The following LRRC20 variants were observed in gnomAD, a reference collection of about 807,000 sequenced individuals.
The protein encoded by LRRC20 is leucine-rich repeat-containing protein 20.
Under a neutral mutation model 14.4 loss-of-function variants are expected in LRRC20, and 11 were observed. The observed-to-expected ratio is 0.77, with a 90% confidence interval of 0.48 to 1.27. The LOEUF (loss-of-function observed/expected upper bound fraction) is 1.27, where lower values mean the gene tolerates loss of function less well. LRRC20 is among the 50% of genes most tolerant of loss of function. LRRC20 has a pLI of 0.00. For synonymous variants in LRRC20, 121 were observed against 107.3 expected, an observed-to-expected ratio of 1.13 and a Z score of -0.79; for missense variants, 219 against 251.2, an observed-to-expected ratio of 0.87 and a Z score of 0.87.
chr10:70,315,106 T>C (rs950504823), intron 4 of LRRC20, among the ~76,000 whole-genome samples: 6 of 152,106 alleles, frequency 3.9e-5, no homozygotes, highest in Non-Finnish European at 8.8e-5. Flanking sequence ...CCTCATAAGG[T>C]TGTCATGAGG....
intron 3 of LRRC20, among the ~76,000 whole-genome samples, chr10:70,330,295 G>T (rs1320227284): frequency 6.6e-6 from 1 of 151,882 alleles, no homozygotes; most frequent in East Asian, 1.9e-4. Flanking sequence ...ATAGTCATAG[G>T]TCTCTTCAGG....
chr10:70,357,832 T>C (rs4747012), intron 2 of LRRC20, among the ~76,000 whole-genome samples: 32,561 of 152,172 alleles, frequency 0.21, 3,797 homozygotes, highest in East Asian at 0.34. Context: ...CAAAAGGGAA[T>C]AGAAACAGCA....
intron 3 of LRRC20, among the ~76,000 whole-genome samples, chr10:70,332,713 T>C (rs1179828362): frequency 6.6e-6 from 1 of 152,236 alleles, no homozygotes; most frequent in African/African-American, 2.4e-5. Context: ...TACTTTATGC[T>C]CTGTTTGCTT....
chr10:70,343,897 C>A (rs1254061357), intron 2 of LRRC20, among the ~76,000 whole-genome samples: 1 of 152,136 alleles, frequency 6.6e-6, no homozygotes, highest in African/African-American at 2.4e-5. Flanking sequence ...CCCTAAATAG[C>A]ATCATGAAAG....
intron 1 of LRRC20, 145 bp downstream of exon 1, chr10:70,382,404 G>T (rs1047182956): frequency 6.6e-6 from 1 of 152,410 alleles, no homozygotes; most frequent in Non-Finnish European, 1.5e-5. Context: ...CGGGTGACCT[G>T]GGGGAGGGGA....
intron 2 of LRRC20, among the ~76,000 whole-genome samples, chr10:70,342,658 G>A (rs578161192): frequency 5.2e-4 from 79 of 152,210 alleles, no homozygotes; most frequent in Non-Finnish European, 9.6e-4. Flanking sequence ...CTAACAAAGC[G>A]CCTAGAAGAT....
chr10:70,350,757 A>C (rs1172464841), intron 2 of LRRC20, among the ~76,000 whole-genome samples: 1 of 152,132 alleles, frequency 6.6e-6, no homozygotes, highest in Non-Finnish European at 1.5e-5. Flanking sequence ...CCTAGCCAAG[A>C]AGTAAGGCTC....
Position 70,360,160 on chromosome 10 carries a change from C to T in LRRC20, c.82+16292G>A, listed in dbSNP as rs931265241. Among the ~76,000 whole-genome samples, 4 of 152,250 alleles carry T rather than the reference C, an allele frequency of 2.6e-5. No homozygotes were observed. The South Asian group carries it at 6.2e-4, about 24-fold the overall frequency. On this transcript the variant is annotated intron_variant, in intron 2 of 4. Transcript: ENST00000446961. ...TGAACTCCTGACCTCATGATCCACC[C>T]GCCTCAGCCTCCCAAAGTGCTGGGA...
At chr10:70,351,232 C>A (rs2137060398) in intron 2 of LRRC20, among the ~76,000 whole-genome samples, 1 of 152,128 alleles carries the variant, frequency 6.6e-6, no homozygotes, top group East Asian at 1.9e-4. Context: ...GTCCTTTCAT[C>A]CTCCCCCAGA....
chr10:70,312,444 C>A (rs191320859), intron 4 of LRRC20, among the ~76,000 whole-genome samples: 261 of 152,292 alleles, frequency 1.7e-3, no homozygotes, highest in African/African-American at 5.8e-3. Flanking sequence ...AGGGGCTGAG[C>A]CTTCCCTACT....
chr10:70,334,622 G>A (rs1047861499), intron 3 of LRRC20, among the ~76,000 whole-genome samples: 1 of 152,064 alleles, frequency 6.6e-6, no homozygotes, highest in Non-Finnish European at 1.5e-5. Flanking sequence ...CATGGCCTGA[G>A]GAACAGAGGG....
chr10:70,353,620 G>A (rs191300976), intron 2 of LRRC20, among the ~76,000 whole-genome samples: 1 of 152,226 alleles, frequency 6.6e-6, no homozygotes, highest in Non-Finnish European at 1.5e-5. Flanking sequence ...GTTTCACCAT[G>A]TTGGCCAGGC....
intron 4 of LRRC20, among the ~76,000 whole-genome samples, chr10:70,319,442 T>C (rs989151828): frequency 4.6e-5 from 7 of 152,168 alleles, no homozygotes; most frequent in Non-Finnish European, 1.0e-4. Flanking sequence ...CAACCCATCA[T>C]GTCCCTATGT....
intron 3 of LRRC20, among the ~76,000 whole-genome samples, chr10:70,327,672 A>C (rs545828613): frequency 5.3e-5 from 8 of 152,168 alleles, no homozygotes; most frequent in African/African-American, 1.2e-4. Context: ...GGGGATTTAC[A>C]TGTAATCATC....
chr10:70,326,333 C>CACACACAT (rs1554838458), intron 3 of LRRC20, among the ~76,000 whole-genome samples: 4 of 151,320 alleles, frequency 2.6e-5, no homozygotes, highest in Non-Finnish European at 5.9e-5. Context: ...CACACACACA[C>CACACACAT]GCACGCGCCT....
At chr10:70,326,590 G>A (rs933815887) in intron 3 of LRRC20, among the ~76,000 whole-genome samples, 3 of 152,270 alleles carry the variant, frequency 2.0e-5, no homozygotes, top group East Asian at 1.9e-4. Flanking sequence ...TCCAGTGCTC[G>A]CTTCACGCAA....
chr10:70,376,371 T>G, intron 2 of LRRC20, 81 bp downstream of exon 2: 2 of 1,396,948 alleles, frequency 1.4e-6, no homozygotes, highest in Non-Finnish European at 1.0e-6. Context: ...CTGACGCTTG[T>G]GTCTTTCATC....
chr10:70,329,467 G>A (rs754149659), intron 3 of LRRC20, among the ~76,000 whole-genome samples: 6 of 152,100 alleles, frequency 3.9e-5, no homozygotes, highest in Non-Finnish European at 7.4e-5. Flanking sequence ...ACCAAGTTGA[G>A]GTAGTTTCCC....
At position 70,302,583 on chromosome 10, in the gene LRRC20, T is replaced by C. The variant is rs1226837524; in HGVS notation, c.401-1075A>G. Among the ~76,000 whole-genome samples the C allele has an allele frequency of 5.3e-5, 8 of 152,246 alleles. No homozygotes were observed. The East Asian group carries it at 1.5e-3, about 29-fold the overall frequency. On this transcript the variant is annotated intron_variant, in intron 4 of 4. Transcript: ENST00000446961. The stretch of plus-strand genomic sequence containing the variant: ...AGTAATTAATGCCACTGAGCTACAG[T>C]ATGCTTAAAAATGGTTAAAATCAGC...
Sources: allele counts gnomAD v4.1 joint callset (sites outside exome capture counted in the v4.1 genomes callset), GRCh38; gene constraint gnomAD v4.1.1; transcripts MANE v1.5; gene names NCBI Gene and HGNC (gene_info 2026-07-23, HGNC 2026-07-21).